TBC1D23: variants seen among roughly 807,000 people sequenced by gnomAD.
TBC1D23 encodes the protein TBC1 domain family member 23.
Under a neutral mutation model 91.4 loss-of-function variants are expected in TBC1D23, and 55 were observed. The observed-to-expected ratio is 0.60, with a 90% CI of 0.48 to 0.75. The LOEUF (loss-of-function observed/expected upper bound fraction) is 0.75, where lower values mean the gene tolerates loss of function less well. Ranked by LOEUF, TBC1D23 falls within the 30% of genes least tolerant of loss-of-function variation. The probability of loss-of-function intolerance (pLI) is 0.00; values close to 1 mark genes in which losing one functional copy is unlikely to be tolerated. For missense variants in TBC1D23, 725 were observed against 836.1 expected (o/e 0.87, Z 1.64); for synonymous variants, 289 against 281.0 (o/e 1.03, Z -0.28).
chr3:100,271,153 T>G (rs2067596117), intron 1 of TBC1D23, among the ~76,000 whole-genome samples: 1 of 151,760 alleles, frequency 6.6e-6, no homozygotes, highest in South Asian at 2.1e-4. Context: ...AGAAAGGGGG[T>G]GGAGATGATA....
chr3:100,308,590 A>G (rs148869023), intron 13 of TBC1D23, among the ~76,000 whole-genome samples: 2 of 152,368 alleles, frequency 1.3e-5, no homozygotes, highest in East Asian at 1.9e-4. Context: ...TAATTTTGCC[A>G]TTCATATTTT....
intron 1 of TBC1D23, among the ~76,000 whole-genome samples, chr3:100,262,737 A>AAAC (rs2067523077): frequency 2.0e-5 from 3 of 151,402 alleles, no homozygotes; most frequent in African/African-American, 7.3e-5. Flanking sequence ...AAAAAAAAAA[A>AAAC]AAAAAAAACA....
chr3:100,299,066 A>G (rs895424922), intron 9 of TBC1D23, among the ~76,000 whole-genome samples, 173 bp from the exon 10 acceptor site: 1 of 152,242 alleles, frequency 6.6e-6, no homozygotes, highest in East Asian at 1.9e-4. Flanking sequence ...AAAAGAAATA[A>G]AAGTATTTAG....
At chr3:100,290,489 C>G in intron 4 of TBC1D23, 89 bp from the exon 5 acceptor site, 1 of 1,138,534 alleles carries the variant, frequency 8.8e-7, no homozygotes, top group South Asian at 1.4e-5. Context: ...CCAGTGAATG[C>G]TGTGGAGGGT....
intron 15 of TBC1D23, 118 bp downstream of exon 15, chr3:100,311,995 A>C: frequency 1.5e-6 from 1 of 667,356 alleles, no homozygotes; most frequent in East Asian, 2.9e-5. Flanking sequence ...TCAAATGCTA[A>C]ACTTTCCTCA....
chr3:100,279,100 C>T (rs117802267), intron 1 of TBC1D23, among the ~76,000 whole-genome samples: 1 of 152,278 alleles, frequency 6.6e-6, no homozygotes, highest in East Asian at 1.9e-4. Flanking sequence ...CATAATATGA[C>T]ATGTGACCCT....
At chr3:100,298,615 G>A (rs746700718) in intron 9 of TBC1D23, among the ~76,000 whole-genome samples, 11 of 152,154 alleles carry the variant, frequency 7.2e-5, no homozygotes, top group Non-Finnish European at 1.3e-4. Flanking sequence ...TGGGAAAATA[G>A]CCTTTTATGG....
intron 15 of TBC1D23, among the ~76,000 whole-genome samples, chr3:100,313,927 A>C (rs1472735000): frequency 1.3e-5 from 2 of 152,072 alleles, no homozygotes; most frequent in East Asian, 3.8e-4. Context: ...TTTAACATAA[A>C]ACCAAATGAT....
Position 100,302,128 on chromosome 3 carries a change from A to G in TBC1D23, c.1154A>G (p.Gln385Arg). The change falls in exon 11 of 19, where the codon CAG (glutamine) becomes CGG (arginine). Residue 385 changes from glutamine to arginine, a missense_variant. Transcript: ENST00000394144. ...AAATCCTTGCTGGAAGCACAGAAGC[A>G]GTCCATTGAGTCTGGCTCCATAGCT... ...SVKSLLEAQK[Q>R]SIESGSIAGG... 2 of 1,613,980 alleles carry G rather than the reference A, an allele frequency of 1.2e-6. No homozygotes were observed. Among genetic ancestry groups the G allele is most frequent in the South Asian group, 2.2e-5 (2 of 91,062 alleles).
At chr3:100,303,633 T>G (rs1705470242) in intron 11 of TBC1D23, among the ~76,000 whole-genome samples, 2 of 152,070 alleles carry the variant, frequency 1.3e-5, no homozygotes, top group South Asian at 4.2e-4. Flanking sequence ...TAACTGTGTG[T>G]GGATGTGCTC....
intron 1 of TBC1D23, among the ~76,000 whole-genome samples, chr3:100,274,397 G>A (rs527934689): frequency 4.6e-5 from 7 of 152,284 alleles, no homozygotes; most frequent in African/African-American, 1.7e-4. Flanking sequence ...ACGTTAAATA[G>A]AGTTGATTTT....
At chr3:100,294,746 A>AT (rs1277173580) in intron 5 of TBC1D23, among the ~76,000 whole-genome samples, 1 of 152,212 alleles carries the variant, frequency 6.6e-6, no homozygotes, top group East Asian at 1.9e-4. Flanking sequence ...GACCATAATT[A>AT]TGCTAGTTAT....
chr3:100,277,127 T>G (rs1268128636), intron 1 of TBC1D23, among the ~76,000 whole-genome samples: 2 of 152,242 alleles, frequency 1.3e-5, no homozygotes, highest in East Asian at 3.8e-4. Flanking sequence ...ATTGTATTAC[T>G]TGTTTAAAAG....
chr3:100,268,187 G>T (rs550169924), intron 1 of TBC1D23, among the ~76,000 whole-genome samples: 5 of 151,942 alleles, frequency 3.3e-5, no homozygotes, highest in Non-Finnish European at 5.9e-5. Context: ...ATGTCCATGG[G>T]TTATTTTTCC....
At chr3:100,261,140 G>T in intron 1 of TBC1D23, 69 bp downstream of exon 1, 1 of 1,487,736 alleles carries the variant, frequency 6.7e-7, no homozygotes. Flanking sequence ...GCCGGTCCCC[G>T]AGGAGCCGTC....
At chr3:100,295,990 G>A (rs1178316968) in intron 7 of TBC1D23, among the ~76,000 whole-genome samples, 182 bp from the exon 8 acceptor site, 1 of 152,126 alleles carries the variant, frequency 6.6e-6, no homozygotes, top group Non-Finnish European at 1.5e-5. Context: ...TCACTGACAA[G>A]AGATTTACAT....
intron 1 of TBC1D23, among the ~76,000 whole-genome samples, chr3:100,276,033 G>A (rs1402153609): frequency 6.6e-6 from 1 of 151,750 alleles, no homozygotes; most frequent in East Asian, 1.9e-4. Context: ...GGGAGGAATG[G>A]CGAGTGACTG....
intron 3 of TBC1D23, 141 bp downstream of exon 3, chr3:100,281,988 C>T (rs1369662112): frequency 1.9e-6 from 1 of 522,548 alleles, no homozygotes; most frequent in Non-Finnish European, 3.4e-6. Context: ...TTTGGAAATT[C>T]TTATGAAATA....
rs1266685395 is a variant in TBC1D23, at chr3:100,316,126, C to T, written c.1626C>T (p.Gly542=). Residue 542 remains glycine (G), a synonymous_variant, in exon 16 of 19, where the codon GGC becomes GGT. Coordinates refer to ENST00000394144, the MANE Select transcript of TBC1D23 (RefSeq NM_001199198.3). The part of the protein sequence containing the change: ...ERHVSSSDRV[G]KPYRGVKPVF... The stretch of plus-strand genomic sequence containing the variant: ...ATGTGAGCAGCAGTGACAGAGTGGG[C>T]AAGCCTTACCGTGGCGTAAAGCCTG... The T allele has an allele frequency of 6.2e-7, 1 of 1,614,010 alleles. No homozygotes were observed. Among genetic ancestry groups the T allele is most frequent in the East Asian group, 2.2e-5 (1 of 44,872 alleles).
Sources: gnomAD v4.1 joint callset for allele counts (sites outside exome capture counted in the v4.1 genomes callset) on GRCh38, gnomAD v4.1.1 for gene constraint, MANE v1.5 for transcripts, NCBI Gene and HGNC (gene_info 2026-07-23, HGNC 2026-07-21) for gene names.